SLC31A2: variants seen among roughly 807,000 people sequenced by gnomAD.
The protein encoded by SLC31A2 is solute carrier family 31 member 2, also known as protein SLC31A2.
Under a neutral mutation model 14.4 loss-of-function variants are expected in SLC31A2, and 16 were observed. The ratio of observed to expected loss-of-function variants is 1.11; its 90% confidence interval spans 0.75 to 1.69. The LOEUF (loss-of-function observed/expected upper bound fraction) is 1.69. SLC31A2 is among the 40% of genes most tolerant of loss of function. SLC31A2 has a pLI of 0.00. For missense variants in SLC31A2, 140 were observed against 173.9 expected (o/e 0.81, Z 1.10); for synonymous variants, 56 against 68.7 (o/e 0.82, Z 0.91).
intron 1 of SLC31A2, chr9:113,155,858 C>T (rs188695750): frequency 3.2e-5 from 10 of 316,686 alleles, no homozygotes; most frequent in African/African-American, 2.2e-4. Flanking sequence ...TCCCCCAGCT[C>T]CCCTCGGAGG....
rs1045053197 is a variant in SLC31A2, at chr9:113,151,245, A to G, written c.6+165A>G. 2.6e-5 allele frequency among the ~76,000 whole-genome samples: 4 copies of G among 152,020 alleles called. No homozygotes were observed. The highest frequency in any genetic ancestry group is 5.9e-5 in the Non-Finnish European group (4 of 67,972). On this transcript the variant is annotated intron_variant, in intron 1 of 3. Coordinates refer to ENST00000259392, the MANE Select transcript of SLC31A2 (RefSeq NM_001860.3). This position sits in a 1 kb window ranked among gnomAD's most constrained non-coding sequence, Gnocchi z 4.2. ...AACAGGGTTGGGGGACGCGGCAGGT[A>G]TAGGTTGCGGTGGCTCTGTGGTTTT...
chr9:113,151,020 G>C lies in SLC31A2; in HGVS notation c.-55G>C. On this transcript the variant is annotated 5_prime_UTR_variant, in exon 1 of 4. Transcript: ENST00000259392. This position sits in a 1 kb window ranked among gnomAD's most constrained non-coding sequence, Gnocchi z 4.2. ...GCGGCGGCGGTTGAACTGACTCGGA[G>C]CGAGGAGACCCGAGCGAGCAGACGC... 1 of 1,294,618 alleles carries C rather than the reference G, an allele frequency of 7.7e-7. No homozygotes were observed. Among genetic ancestry groups the C allele is most frequent in the Non-Finnish European group, 9.8e-7 (1 of 1,016,474 alleles). The allele number at this position is 1,294,618 out of a possible 1,614,324, so 80.2% of individuals were successfully genotyped here. A position where few individuals can be genotyped will look rare whatever the true frequency, so the allele number is the denominator to read the frequency against.
rs901485027 is a variant in SLC31A2 at position 113,151,580 on chromosome 9, C to T, written c.6+500C>T. Reference sequence around the variant, plus strand: ...GATTCTTCGGGGAATAAAACAGAACCAGCTACTTTCCAGCTTCCCTACACT... The same window carrying T: ...GATTCTTCGGGGAATAAAACAGAACTAGCTACTTTCCAGCTTCCCTACACT... On this transcript the variant is annotated intron_variant, in intron 1 of 3. Coordinates refer to ENST00000259392, the MANE Select transcript of SLC31A2 (RefSeq NM_001860.3). This position sits in a 1 kb window ranked among gnomAD's most constrained non-coding sequence, Gnocchi z 4.2. 2 of 154,538 alleles carry T rather than the reference C, an allele frequency of 1.3e-5. No individual in the cohort carries two copies. Among genetic ancestry groups the T allele is most frequent in the East Asian group, 1.9e-4 (1 of 5,342 alleles). The allele number at this position is 154,538 out of a possible 1,614,324, so 9.6% of individuals were successfully genotyped here. A position where few individuals can be genotyped will look rare whatever the true frequency, so the allele number is the denominator to read the frequency against.
In SLC31A2 at chr9:113,151,021, C is replaced by T. The variant is rs1040450609; in HGVS notation, c.-54C>T. The T allele has an allele frequency of 3.9e-6, 5 of 1,292,092 alleles. No individual in the cohort carries two copies. In the African/African-American group the frequency reaches 6.1e-5, roughly 16 times the overall value. 80.0% of individuals were successfully genotyped at this position (1,292,092 alleles called of 1,614,324 possible). On this transcript the variant is annotated 5_prime_UTR_variant, in exon 1 of 4. Transcript: ENST00000259392. The surrounding 1 kb of genome is among the most constrained non-coding windows in gnomAD (Gnocchi z 4.2). Reference sequence around the variant, plus strand: ...CGGCGGCGGTTGAACTGACTCGGAGCGAGGAGACCCGAGCGAGCAGACGCG... The same window carrying T: ...CGGCGGCGGTTGAACTGACTCGGAGTGAGGAGACCCGAGCGAGCAGACGCG...
At chr9:113,152,935 C>G (rs1262669243) in intron 1 of SLC31A2, among the ~76,000 whole-genome samples, 1 of 152,176 alleles carries the variant, frequency 6.6e-6, no homozygotes, top group African/African-American at 2.4e-5. Flanking sequence ...ATACCATCTG[C>G]TTTACCAAAT....
chr9:113,159,799 A>G (rs9695716), intron 2 of SLC31A2, among the ~76,000 whole-genome samples: 48,228 of 152,148 alleles, frequency 0.32, 7,820 homozygotes, highest in Non-Finnish European at 0.33. Context: ...CCAACTGGCT[A>G]TATGTCAGGG....
chr9:113,153,950 C>T (rs534975126), intron 1 of SLC31A2, among the ~76,000 whole-genome samples: 18 of 151,936 alleles, frequency 1.2e-4, no homozygotes, highest in African/African-American at 4.1e-4. Context: ...CCATCCAACC[C>T]GGAAACAGAG....
chr9:113,161,419 G>A, intron 2 of SLC31A2, 90 bp from the exon 3 acceptor site: 6 of 1,160,984 alleles, frequency 5.2e-6, no homozygotes, highest in Non-Finnish European at 7.7e-6. Context: ...GATAGAGGTG[G>A]ATGGAGTGGA....
At chr9:113,158,007 C>G in intron 2 of SLC31A2, 1 of 644,530 alleles carries the variant, frequency 1.6e-6, no homozygotes, top group Non-Finnish European at 2.9e-6. Context: ...CTCACAAAGG[C>G]CGAGAGGCAG....
At chr9:113,162,170 C>T (rs1164422402) in intron 3 of SLC31A2, 2 of 310,148 alleles carry the variant, frequency 6.4e-6, no homozygotes, top group Non-Finnish European at 6.2e-6. Context: ...TCTGTCCAGC[C>T]CCAGCCTCAC....
chr9:113,161,433 C>T, intron 2 of SLC31A2, 76 bp from the exon 3 acceptor site: 3 of 1,344,640 alleles, frequency 2.2e-6, no homozygotes, highest in Non-Finnish European at 3.2e-6. Flanking sequence ...GAGTGGATTC[C>T]ATGAACAGGT....
At position 113,163,952 on chromosome 9, in the gene SLC31A2, AG is replaced by A. The variant is rs1012574957; in HGVS notation, c.*1036del. On this transcript the variant is annotated 3_prime_UTR_variant, in exon 4 of 4. Transcript: ENST00000259392. ...CTGACTGAAGATGCAATCCAACCAA[AG>A]CCATTACATTTTTTGAGTTAGATGG... 2.0e-5 allele frequency: 3 copies of A among 152,548 alleles called. No homozygotes were observed. Among genetic ancestry groups the A allele is most frequent in the African/African-American group, 2.4e-5 (1 of 41,424 alleles). 9.4% of individuals were successfully genotyped at this position (152,548 alleles called of 1,614,324 possible).
intron 1 of SLC31A2, among the ~76,000 whole-genome samples, chr9:113,154,556 G>T (rs1322288666): frequency 6.6e-6 from 1 of 152,224 alleles, no homozygotes; most frequent in African/African-American, 2.4e-5. Flanking sequence ...TGATTTAGGG[G>T]CCTGAGGAGG....
rs1157440217 is a variant in SLC31A2 at position 113,157,707 on chromosome 9, C to T, written c.7-20C>T. 3.1e-6 allele frequency: 5 copies of T among 1,602,202 alleles called. No individual in the cohort carries two copies. The highest frequency in any genetic ancestry group is 1.7e-4 in the Middle Eastern group (1 of 5,844). On this transcript the variant is annotated intron_variant, in intron 1 of 3. Coordinates refer to ENST00000259392, the MANE Select transcript of SLC31A2 (RefSeq NM_001860.3). ...TCCACTGCCCTGTGCCCCTATGATG[C>T]AGATTCCTTTCTCTTTCAGATGCAT...
At position 113,161,630 on chromosome 9, in the gene SLC31A2, G is replaced by C; in HGVS notation, c.195G>C (p.Gln65His). The C allele has an allele frequency of 6.2e-7, 1 of 1,614,020 alleles. No individual in the cohort carries two copies. The highest frequency in any genetic ancestry group is 1.6e-4 in the Middle Eastern group (1 of 6,062). Residue 65 changes from glutamine (Q) to histidine (H), a missense_variant, in exon 3 of 4, where the codon CAG (glutamine) becomes CAC (histidine). Coordinates refer to ENST00000259392, the MANE Select transcript of SLC31A2 (RefSeq NM_001860.3). Reference protein sequence around the residue: ...LVNLPTSISQQTIAETDGDSA... With the variant: ...LVNLPTSISQHTIAETDGDSA... The stretch of plus-strand genomic sequence containing the variant: ...ACCTGCCAACCTCCATCAGCCAGCA[G>C]ACCATCGCAGAGACAGACGGGGACT...
chr9:113,158,378 G>T (rs1481921071), intron 2 of SLC31A2, among the ~76,000 whole-genome samples: 2 of 152,174 alleles, frequency 1.3e-5, no homozygotes, highest in East Asian at 1.9e-4. Flanking sequence ...ATAAATTATG[G>T]TCAGCCCTAC....
In SLC31A2 at chr9:113,162,783, C is replaced by T; in HGVS notation, c.298C>T (p.His100Tyr). The T allele has an allele frequency of 6.2e-7, 1 of 1,613,632 alleles. No individual in the cohort carries two copies. The highest frequency in any genetic ancestry group is 8.5e-7 in the Non-Finnish European group (1 of 1,179,728). Residue 100 changes from histidine (H) to tyrosine (Y), a missense_variant, in exon 4 of 4, where the codon CAT becomes TAT. Coordinates refer to ENST00000259392, the MANE Select transcript of SLC31A2 (RefSeq NM_001860.3). ...GTGTCACTTTGGCCAGTCTCTAATC[C>T]ATGTCATCCAGGTGGTCATCGGCTA... ...YLCHFGQSLIHVIQVVIGYFI... is the reference protein window; with the variant it reads ...YLCHFGQSLIYVIQVVIGYFI...
chr9:113,155,718 A>G (rs1471406461), intron 1 of SLC31A2, among the ~76,000 whole-genome samples: 1 of 152,112 alleles, frequency 6.6e-6, no homozygotes. Flanking sequence ...ACCTCCTAGC[A>G]TCCTGTACTT....
In SLC31A2 at chr9:113,151,589, T is replaced by C. The variant is rs541964779; in HGVS notation, c.6+509T>C. ...GGGAATAAAACAGAACCAGCTACTT[T>C]CCAGCTTCCCTACACTTTCAGTCAG... On this transcript the variant is annotated intron_variant, in intron 1 of 3. Coordinates refer to ENST00000259392, the MANE Select transcript of SLC31A2 (RefSeq NM_001860.3). The surrounding 1 kb of genome is among the most constrained non-coding windows in gnomAD (Gnocchi z 4.2). The C allele has an allele frequency of 6.5e-6, 1 of 153,504 alleles. No individual in the cohort carries two copies. The highest frequency in any genetic ancestry group is 2.4e-5 in the African/African-American group (1 of 41,406). The allele number at this position is 153,504 out of a possible 1,614,324, so 9.5% of individuals were successfully genotyped here. A position where few individuals can be genotyped will look rare whatever the true frequency, so the allele number is the denominator to read the frequency against.
Sources: allele counts gnomAD v4.1 joint callset (sites outside exome capture counted in the v4.1 genomes callset), GRCh38; gene constraint gnomAD v4.1.1; non-coding constraint Gnocchi (gnomAD v3.1); transcripts MANE v1.5; gene names NCBI Gene and HGNC (gene_info 2026-07-23, HGNC 2026-07-21).